The following OR9Q1 variants were observed in gnomAD, a reference collection of about 807,000 sequenced individuals.
OR9Q1 encodes the protein olfactory receptor 9Q1.
For synonymous variants in OR9Q1, 153 were observed against 148.6 expected (o/e 1.03, Z -0.22); for missense variants, 374 against 378.8 (o/e 0.99, Z 0.11).
At chr11:58,146,507 TAATA>T (rs371292272) in intron 2 of OR9Q1, among the ~76,000 whole-genome samples, 24 of 152,140 alleles carry the variant, frequency 1.6e-4, no homozygotes, top group Admixed American at 2.6e-4. Context: ...AAGTTTAGAG[TAATA>T]AATAAGATAG....
chr11:58,026,487 G>A (rs979823627), intron 1 of OR9Q1, among the ~76,000 whole-genome samples: 1 of 151,988 alleles, frequency 6.6e-6, no homozygotes, highest in African/African-American at 2.4e-5. Flanking sequence ...TTCGAGACCA[G>A]CCTGGCCAAT....
chr11:58,152,051 G>T (rs1339144193), intron 2 of OR9Q1, among the ~76,000 whole-genome samples: 3 of 152,080 alleles, frequency 2.0e-5, no homozygotes, highest in Non-Finnish European at 4.4e-5. Context: ...ATCCTCTCAG[G>T]CCAGGAGAAC....
chr11:58,094,443 G>A (rs927495053), intron 2 of OR9Q1, among the ~76,000 whole-genome samples: 18 of 151,892 alleles, frequency 1.2e-4, no homozygotes, highest in African/African-American at 3.9e-4. Flanking sequence ...ATATAATACC[G>A]CCCTCAAAAT....
At chr11:58,075,790 G>A (rs1415640067) in intron 2 of OR9Q1, among the ~76,000 whole-genome samples, 1 of 152,212 alleles carries the variant, frequency 6.6e-6, no homozygotes, top group Admixed American at 6.5e-5. Context: ...GACAAGTGAT[G>A]GCATGGGATG....
At chr11:58,078,574 C>A (rs1853561212) in intron 2 of OR9Q1, 1 of 152,176 alleles carries the variant, frequency 6.6e-6, no homozygotes, top group Admixed American at 6.6e-5. Flanking sequence ...AGTTCATAAA[C>A]CCATTCATAG....
At chr11:58,102,183 C>G (rs1208287778) in intron 2 of OR9Q1, among the ~76,000 whole-genome samples, 1 of 152,120 alleles carries the variant, frequency 6.6e-6, no homozygotes, top group East Asian at 1.9e-4. Flanking sequence ...TACATTCAAG[C>G]TTACTATTGG....
chr11:58,059,416 C>G (rs1471407519), intron 2 of OR9Q1, among the ~76,000 whole-genome samples: 2 of 151,840 alleles, frequency 1.3e-5, no homozygotes, highest in East Asian at 3.9e-4. Context: ...AAATTCAGGG[C>G]CGGGCACAGT....
chr11:58,148,353 T>C (rs780066897), intron 2 of OR9Q1, among the ~76,000 whole-genome samples: 18 of 152,158 alleles, frequency 1.2e-4, no homozygotes, highest in Non-Finnish European at 1.9e-4. Context: ...ATGCATTTTG[T>C]CTGAGGGAGC....
intron 2 of OR9Q1, among the ~76,000 whole-genome samples, chr11:58,071,665 A>T (rs1853489081): frequency 6.6e-6 from 1 of 152,134 alleles, no homozygotes; most frequent in Non-Finnish European, 1.5e-5. Flanking sequence ...TCACAACAAC[A>T]TACTACGAGA....
intron 1 of OR9Q1, among the ~76,000 whole-genome samples, chr11:58,037,904 T>C (rs1404788470): frequency 6.9e-6 from 1 of 145,406 alleles, no homozygotes; most frequent in Non-Finnish European, 1.5e-5. Flanking sequence ...GTTTTTTTTT[T>C]TTTTTTTTAG....
intron 2 of OR9Q1, among the ~76,000 whole-genome samples, chr11:58,121,243 C>A (rs1471238943): frequency 6.6e-6 from 1 of 152,122 alleles, no homozygotes; most frequent in East Asian, 1.9e-4. Context: ...TTTTGCATTT[C>A]CTAAGATTTC....
intron 2 of OR9Q1, among the ~76,000 whole-genome samples, chr11:58,151,182 C>A: frequency 6.6e-6 from 1 of 152,160 alleles, no homozygotes; most frequent in East Asian, 1.9e-4. Flanking sequence ...ACTCAACTAA[C>A]TTTTACTGAG....
intron 2 of OR9Q1, among the ~76,000 whole-genome samples, chr11:58,133,058 G>T (rs942210156): frequency 6.6e-6 from 1 of 152,124 alleles, no homozygotes; most frequent in Admixed American, 6.5e-5. Context: ...TTCTACCTGC[G>T]CTCAGCCCAG....
At chr11:58,046,268 C>A (rs970742787) in intron 1 of OR9Q1, among the ~76,000 whole-genome samples, 21 of 142,042 alleles carry the variant, frequency 1.5e-4, no homozygotes, top group Non-Finnish European at 2.9e-4. Flanking sequence ...TCATAAGCAA[C>A]TTTGTTCCCT....
At chr11:58,055,449 G>A (rs753020126) in intron 1 of OR9Q1, among the ~76,000 whole-genome samples, 1 of 152,094 alleles carries the variant, frequency 6.6e-6, no homozygotes, top group African/African-American at 2.4e-5. Context: ...ACTAAGAGGT[G>A]GGGCAGTTTC....
chr11:58,136,302 G>A (rs1249251489), intron 2 of OR9Q1, among the ~76,000 whole-genome samples: 2 of 152,150 alleles, frequency 1.3e-5, no homozygotes, highest in Middle Eastern at 3.2e-3. Context: ...ATACTGTGGA[G>A]CATGGTGGGT....
chr11:58,059,321 A>G (rs772957829), intron 2 of OR9Q1, among the ~76,000 whole-genome samples: 10 of 152,212 alleles, frequency 6.6e-5, no homozygotes, highest in Non-Finnish European at 1.2e-4. Context: ...TAAAAGCTGT[A>G]TAATTGTTAA....
At chr11:58,136,649 T>A (rs1250988501) in intron 2 of OR9Q1, among the ~76,000 whole-genome samples, 1 of 152,216 alleles carries the variant, frequency 6.6e-6, no homozygotes. Flanking sequence ...GGTGCAACTG[T>A]TCTTGGAGAG....
At chr11:58,174,881 A>G (rs1369765475) in intron 2 of OR9Q1, among the ~76,000 whole-genome samples, 1 of 151,506 alleles carries the variant, frequency 6.6e-6, no homozygotes, top group Non-Finnish European at 1.5e-5. Context: ...TGAGGCAGGC[A>G]GATTACTTGA....
Sources: gnomAD v4.1 joint callset for allele counts (sites outside exome capture counted in the v4.1 genomes callset) on GRCh38, gnomAD v4.1.1 for gene constraint, MANE v1.5 for transcripts, NCBI Gene and HGNC (gene_info 2026-07-23, HGNC 2026-07-21) for gene names.